Variants in ITPR1 observed in about 807,000 individuals in gnomAD.
ITPR1 encodes inositol 1,4,5-trisphosphate-gated calcium channel ITPR1.
A neutral mutation model predicts 318.4 loss-of-function variants in ITPR1; 96 were observed. That is an observed-to-expected ratio of 0.30 (90% confidence interval 0.26 to 0.36). The LOEUF (loss-of-function observed/expected upper bound fraction) is 0.36, where lower values mean the gene tolerates loss of function less well. ITPR1 is among the 10% of genes least tolerant of loss of function. The pLI is 1.00. For missense variants in ITPR1, 2,440 were observed against 3,460.2 expected, an observed-to-expected ratio of 0.71 and a Z score of 7.40; for synonymous variants, 1,312 against 1,289.9, an observed-to-expected ratio of 1.02 and a Z score of -0.37.
At chr3:4,691,876 A>G (rs2094484485) in intron 32 of ITPR1, among the ~76,000 whole-genome samples, 1 of 152,166 alleles carries the variant, frequency 6.6e-6, no homozygotes, top group Non-Finnish European at 1.5e-5. Flanking sequence ...GTTGAGGCCA[A>G]CGTGGTGGCT....
At chr3:4,719,077 C>A (rs546380868) in intron 40 of ITPR1, among the ~76,000 whole-genome samples, 1 of 152,306 alleles carries the variant, frequency 6.6e-6, no homozygotes, top group East Asian at 1.9e-4. Flanking sequence ...TTTGCTTGCT[C>A]AAGATAGAAC....
intron 56 of ITPR1, 168 bp from the exon 57 acceptor site, chr3:4,812,974 G>C: frequency 4.7e-6 from 3 of 632,264 alleles, no homozygotes; most frequent in Non-Finnish European, 8.5e-6. Context: ...TTCCCATCCA[G>C]ATCACCAAAT....
intron 40 of ITPR1, among the ~76,000 whole-genome samples, chr3:4,724,021 C>G (rs936353468): frequency 6.6e-6 from 1 of 152,148 alleles, no homozygotes; most frequent in African/African-American, 2.4e-5. Context: ...TGTGATCTTT[C>G]TATCATTTTG....
intron 53 of ITPR1, among the ~76,000 whole-genome samples, chr3:4,796,525 C>T (rs931387): frequency 0.62 from 94,896 of 152,042 alleles, 29,695 homozygotes; most frequent in South Asian, 0.71. Context: ...ATGTTCCTCA[C>T]GGCAGATTAT....
chr3:4,644,038 C>T, intron 7 of ITPR1, 98 bp from the exon 8 acceptor site: 1 of 765,466 alleles, frequency 1.3e-6, no homozygotes, highest in East Asian at 2.8e-5. Flanking sequence ...GCCTTGCCTT[C>T]TTCAGCACAG....
intron 4 of ITPR1, among the ~76,000 whole-genome samples, chr3:4,616,390 A>AC (rs1219416874): frequency 1.3e-5 from 2 of 151,966 alleles, no homozygotes; most frequent in Non-Finnish European, 2.9e-5. Flanking sequence ...TTAAATCTTA[A>AC]CCCCCTTGGT....
intron 4 of ITPR1, among the ~76,000 whole-genome samples, chr3:4,598,197 G>T (rs1431131572): frequency 6.6e-6 from 1 of 152,198 alleles, no homozygotes; most frequent in African/African-American, 2.4e-5. Flanking sequence ...ATCCTCCTCT[G>T]TGACCTGTCA....
At chr3:4,713,002 C>T (rs952072075) in intron 39 of ITPR1, among the ~76,000 whole-genome samples, 1 of 151,998 alleles carries the variant, frequency 6.6e-6, no homozygotes, top group Non-Finnish European at 1.5e-5. Context: ...AAGTGAAGAC[C>T]CCTGGCAAGG....
At chr3:4,806,399 G>A (rs541348350) in intron 55 of ITPR1, 132 bp downstream of exon 55, 3 of 885,258 alleles carry the variant, frequency 3.4e-6, no homozygotes, top group Admixed American at 4.7e-5. Flanking sequence ...AAGCTCCACA[G>A]TTGGCAGCCT....
intron 4 of ITPR1, among the ~76,000 whole-genome samples, chr3:4,567,180 T>C (rs752942350): frequency 1.1e-4 from 17 of 152,342 alleles, no homozygotes; most frequent in Middle Eastern, 3.4e-3. Flanking sequence ...TAGCATTAAT[T>C]GAAGAGAAGT....
At chr3:4,607,826 A>G (rs1022598159) in intron 4 of ITPR1, among the ~76,000 whole-genome samples, 3 of 152,080 alleles carry the variant, frequency 2.0e-5, no homozygotes, top group African/African-American at 7.2e-5. Context: ...AGATACCTCA[A>G]AAGGCCAATC....
intron 33 of ITPR1, among the ~76,000 whole-genome samples, chr3:4,693,990 T>C (rs1238633362): frequency 1.3e-5 from 2 of 152,244 alleles, no homozygotes; most frequent in Middle Eastern, 6.3e-3. Context: ...AAGCTTCAGC[T>C]CTGTGGACTA....
chr3:4,657,990 A>G, intron 12 of ITPR1, 134 bp from the exon 13 acceptor site: 1 of 765,346 alleles, frequency 1.3e-6, no homozygotes, highest in Non-Finnish European at 2.1e-6. Flanking sequence ...ACTGCTCTGT[A>G]ACTGTGGTCC....
chr3:4,529,532 T>A (rs1160519259), intron 4 of ITPR1, among the ~76,000 whole-genome samples: 1 of 152,220 alleles, frequency 6.6e-6, no homozygotes, highest in Non-Finnish European at 1.5e-5. Flanking sequence ...CACTTGAGCT[T>A]ATGATAACTC....
At chr3:4,522,371 T>G (rs193043167) in intron 4 of ITPR1, among the ~76,000 whole-genome samples, 48 of 152,326 alleles carry the variant, frequency 3.2e-4, no homozygotes, top group Non-Finnish European at 1.5e-5. Context: ...AGAAACTGTT[T>G]GACTTTTTTG....
chr3:4,710,547 A>G lies in ITPR1; in HGVS notation c.4991+74A>G. The G allele has an allele frequency of 7.0e-7, 1 of 1,435,892 alleles. No individual in the cohort carries two copies. The highest frequency in any genetic ancestry group is 9.5e-7 in the Non-Finnish European group (1 of 1,057,964). The allele number at this position is 1,435,892 out of a possible 1,614,324, so 88.9% of individuals were successfully genotyped here. A position where few individuals can be genotyped will look rare whatever the true frequency, so the allele number is the denominator to read the frequency against. On this transcript the variant is annotated intron_variant, in intron 38 of 61. Coordinates refer to ENST00000649015, the MANE Select transcript of ITPR1 (RefSeq NM_001378452.1). The surrounding 1 kb of genome is among the most constrained non-coding windows in gnomAD (Gnocchi z 4.2). ...CCTCACAAAGCTTTTGTTCCCGAAGAAGGAGACGTTGTCCTGTTTTTTAAC... is the reference window on the plus strand; with the variant it reads ...CCTCACAAAGCTTTTGTTCCCGAAGGAGGAGACGTTGTCCTGTTTTTTAAC...
intron 4 of ITPR1, among the ~76,000 whole-genome samples, chr3:4,593,306 A>G (rs1470916586): frequency 2.0e-5 from 3 of 152,138 alleles, no homozygotes; most frequent in Non-Finnish European, 4.4e-5. Context: ...TTGCTTAGTA[A>G]CTGTTGTATT....
intron 60 of ITPR1, among the ~76,000 whole-genome samples, chr3:4,829,974 T>G (rs1213760877): frequency 9.2e-6 from 1 of 108,346 alleles, no homozygotes; most frequent in East Asian, 2.8e-4. Context: ...TTTTTTTTTT[T>G]TTTTTGTGTG....
chr3:4,692,550 G>C (rs1381576082), intron 32 of ITPR1, among the ~76,000 whole-genome samples: 1 of 152,184 alleles, frequency 6.6e-6, no homozygotes, highest in African/African-American at 2.4e-5. Context: ...GCTCATAAAG[G>C]TTAGTCATTA....
Sources: allele counts gnomAD v4.1 joint callset (sites outside exome capture counted in the v4.1 genomes callset), GRCh38; gene constraint gnomAD v4.1.1; non-coding constraint Gnocchi (gnomAD v3.1); transcripts MANE v1.5; gene names NCBI Gene and HGNC (gene_info 2026-07-23, HGNC 2026-07-21).